The following GAS2 variants were observed in gnomAD, a reference collection of about 807,000 sequenced individuals.
GAS2 encodes growth arrest-specific protein 2.
Under a neutral mutation model 37.5 loss-of-function variants are expected in GAS2, and 20 were observed. That is an observed-to-expected ratio of 0.53 (90% CI 0.37 to 0.77). The LOEUF (loss-of-function observed/expected upper bound fraction) is 0.77, where lower values mean the gene tolerates loss of function less well. Among genes scored for constraint, GAS2 ranks in the 30% least tolerant of loss-of-function variants. The probability of loss-of-function intolerance (pLI) is 0.00; values close to 1 mark genes in which losing one functional copy is unlikely to be tolerated. For synonymous variants in GAS2, 144 were observed against 132.2 expected, an observed-to-expected ratio of 1.09 and a Z score of -0.61; for missense variants, 336 against 373.4, an observed-to-expected ratio of 0.90 and a Z score of 0.82.
At chr11:22,729,580 G>A (rs886325396) in intron 4 of GAS2, among the ~76,000 whole-genome samples, 4 of 151,598 alleles carry the variant, frequency 2.6e-5, no homozygotes, top group Admixed American at 6.6e-5. Context: ...TCATGTGTTC[G>A]CTACATCCTG....
chr11:22,771,406 T>C (rs1854974450), intron 7 of GAS2, among the ~76,000 whole-genome samples: 1 of 152,154 alleles, frequency 6.6e-6, no homozygotes, highest in Admixed American at 6.5e-5. Context: ...TCAATTCTAC[T>C]CCCATTTGTA....
At chr11:22,744,818 G>A (rs2134263297) in intron 5 of GAS2, among the ~76,000 whole-genome samples, 1 of 152,024 alleles carries the variant, frequency 6.6e-6, no homozygotes, top group South Asian at 2.1e-4. Flanking sequence ...GAGCGATCAG[G>A]CAAAAGAAAG....
chr11:22,714,712 AC>A (rs1306939204), intron 3 of GAS2, among the ~76,000 whole-genome samples: 1 of 152,202 alleles, frequency 6.6e-6, no homozygotes, highest in Non-Finnish European at 1.5e-5. Flanking sequence ...TCCAAATAGA[AC>A]CCTTAAAGCT....
Position 22,744,747 on chromosome 11 carries a change from A to G in GAS2, c.474-4373A>G, listed in dbSNP as rs965454023. 4.6e-5 allele frequency among the ~76,000 whole-genome samples: 7 copies of G among 152,284 alleles called. No homozygotes were observed. In the East Asian group the frequency reaches 1.4e-3, roughly 29 times the overall value. ...GGAAGCATTTCCCTTAAGAAGGGGA[A>G]TGAGACAAGGATGCCTACTCTCTTC... On this transcript the variant is annotated intron_variant, in intron 5 of 7. Coordinates refer to ENST00000454584, the MANE Select transcript of GAS2 (RefSeq NM_001143830.3).
chr11:22,641,322 C>A (rs10833792), intron 1 of GAS2, among the ~76,000 whole-genome samples: 78 of 140,300 alleles, frequency 5.6e-4, no homozygotes, highest in South Asian at 2.2e-3. Flanking sequence ...ATTTATATAT[C>A]TTTATATATA....
rs912883874 is a variant in GAS2 at position 22,730,437 on chromosome 11, C to A, written c.409+4004C>A. On this transcript the variant is annotated intron_variant, in intron 4 of 7. Coordinates refer to ENST00000454584, the MANE Select transcript of GAS2 (RefSeq NM_001143830.3). ...TGATACTTTAAGTGATTACAGAATTCTATGTTGTATCATAACAAAGGTTTT... is the reference window on the plus strand; with the variant it reads ...TGATACTTTAAGTGATTACAGAATTATATGTTGTATCATAACAAAGGTTTT... Among the ~76,000 whole-genome samples, 6 of 151,698 alleles carry A rather than the reference C, an allele frequency of 4.0e-5. No individual in the cohort carries two copies. In the South Asian group the frequency reaches 1.2e-3, roughly 31 times the overall value.
chr11:22,781,497 T>C (rs1169711191), intron 7 of GAS2, among the ~76,000 whole-genome samples: 1 of 152,174 alleles, frequency 6.6e-6, no homozygotes, highest in Non-Finnish European at 1.5e-5. Context: ...ATCTATCATT[T>C]CTCTTTTGTA....
At chr11:22,749,588 T>A (rs1168393685) in intron 6 of GAS2, among the ~76,000 whole-genome samples, 1 of 152,012 alleles carries the variant, frequency 6.6e-6, no homozygotes, top group African/African-American at 2.4e-5. Context: ...ATGAGAAGTC[T>A]GAAAACAAGA....
chr11:22,696,878 T>C (rs1466994622), intron 3 of GAS2, among the ~76,000 whole-genome samples: 1 of 150,404 alleles, frequency 6.6e-6, no homozygotes, highest in Non-Finnish European at 1.5e-5. Flanking sequence ...GAAAATTTTC[T>C]CCCATTTTGT....
chr11:22,686,321 A>T (rs950109995), intron 3 of GAS2, among the ~76,000 whole-genome samples: 23 of 152,158 alleles, frequency 1.5e-4, no homozygotes, highest in African/African-American at 5.3e-4. Flanking sequence ...TCTAGTGATT[A>T]TAAACACTTG....
At chr11:22,767,258 G>T (rs1010623493) in intron 7 of GAS2, among the ~76,000 whole-genome samples, 6 of 151,938 alleles carry the variant, frequency 3.9e-5, no homozygotes, top group African/African-American at 1.4e-4. Context: ...AAGTAATCCT[G>T]TTAGTGATTG....
rs1181156111 is a variant in GAS2, at chr11:22,719,138, TA to T, written c.268-7150del. 1.9e-4 allele frequency among the ~76,000 whole-genome samples: 29 copies of T among 152,236 alleles called. 1 individual carries two copies. Among genetic ancestry groups the T allele is most frequent in the Middle Eastern group, 3.4e-3 (1 of 294 alleles). On this transcript the variant is annotated intron_variant, in intron 3 of 7. Transcript: ENST00000454584. ...TATGAAATGATTAAATCAAGGTAAT[TA>T]AAATATTCATCACTCCACTTATTTT...
chr11:22,699,591 T>A (rs1203067962), intron 3 of GAS2, among the ~76,000 whole-genome samples: 1 of 152,138 alleles, frequency 6.6e-6, no homozygotes, highest in Non-Finnish European at 1.5e-5. Context: ...ATTTCAGACA[T>A]TTTTAGAGAG....
intron 3 of GAS2, among the ~76,000 whole-genome samples, chr11:22,709,356 A>C (rs998638206): frequency 2.0e-5 from 3 of 152,184 alleles, no homozygotes; most frequent in African/African-American, 7.2e-5. Context: ...AACTCTCCTC[A>C]GGGCATTCTT....
At chr11:22,713,291 C>A (rs1851502434) in intron 3 of GAS2, among the ~76,000 whole-genome samples, 1 of 151,530 alleles carries the variant, frequency 6.6e-6, no homozygotes, top group Admixed American at 6.6e-5. Flanking sequence ...TCTGAATTAA[C>A]CCTATATAAT....
intron 1 of GAS2, among the ~76,000 whole-genome samples, chr11:22,631,896 G>A (rs112399103): frequency 3.4e-5 from 5 of 145,434 alleles, no homozygotes; most frequent in African/African-American, 1.3e-4. Flanking sequence ...ATTGTTACCA[G>A]TTCTCTGAAT....
At chr11:22,765,604 C>T (rs1197886453) in intron 7 of GAS2, among the ~76,000 whole-genome samples, 1 of 151,922 alleles carries the variant, frequency 6.6e-6, no homozygotes, top group Non-Finnish European at 1.5e-5. Context: ...ACTGTGAAAC[C>T]CTGTCTCTAC....
At chr11:22,742,398 C>A (rs1198107301) in intron 5 of GAS2, among the ~76,000 whole-genome samples, 1 of 152,008 alleles carries the variant, frequency 6.6e-6, no homozygotes, top group Non-Finnish European at 1.5e-5. Context: ...AATGAAGCAG[C>A]CTTTTGGAGA....
At chr11:22,726,140 T>G in intron 3 of GAS2, 152 bp from the exon 4 acceptor site, 4 of 675,594 alleles carry the variant, frequency 5.9e-6, no homozygotes. Context: ...CCAGGTTAAT[T>G]GCATAGCATT....
Sources: allele counts gnomAD v4.1 joint callset (sites outside exome capture counted in the v4.1 genomes callset), GRCh38; gene constraint gnomAD v4.1.1; transcripts MANE v1.5; gene names NCBI Gene and HGNC (gene_info 2026-07-23, HGNC 2026-07-21).